The following TTC7B variants were observed in gnomAD, a reference collection of about 807,000 sequenced individuals.
TTC7B encodes the protein tetratricopeptide repeat domain 7B.
TTC7B carries 28 observed loss-of-function variants against 106.8 expected under a neutral mutation model. The ratio of observed to expected loss-of-function variants is 0.26; its 90% confidence interval spans 0.19 to 0.36. The LOEUF is 0.36. TTC7B is among the 10% of genes least tolerant of loss of function. The probability of loss-of-function intolerance (pLI) is 1.00; values close to 1 mark genes in which losing one functional copy is unlikely to be tolerated. For synonymous variants in TTC7B, 405 were observed against 430.6 expected, an observed-to-expected ratio of 0.94 and a Z score of 0.74; for missense variants, 862 against 1,076.4, an observed-to-expected ratio of 0.80 and a Z score of 2.79.
chr14:90,760,462 A>T (rs1328593791), intron 3 of TTC7B, among the ~76,000 whole-genome samples: 1 of 152,160 alleles, frequency 6.6e-6, no homozygotes, highest in Non-Finnish European at 1.5e-5. Context: ...TTAGCTCCTG[A>T]TTATCTCAAC....
At chr14:90,621,197 G>A (rs1432044908) in intron 15 of TTC7B, among the ~76,000 whole-genome samples, 8 of 152,056 alleles carry the variant, frequency 5.3e-5, no homozygotes, top group East Asian at 1.9e-4. Flanking sequence ...CAGAGGCCAC[G>A]TGGGTATGGC....
intron 19 of TTC7B, among the ~76,000 whole-genome samples, chr14:90,559,764 C>T (rs906654531): frequency 1.2e-4 from 19 of 152,242 alleles, no homozygotes; most frequent in African/African-American, 4.6e-4. Flanking sequence ...GTGCTAAGAA[C>T]CGTGTTGAAC....
chr14:90,789,788 C>T (rs557065432), intron 1 of TTC7B, among the ~76,000 whole-genome samples: 4 of 151,320 alleles, frequency 2.6e-5, no homozygotes, highest in Admixed American at 6.6e-5. Flanking sequence ...CCCAGCTAGT[C>T]GGGAGGCTGA....
At chr14:90,596,574 G>A (rs148841907) in intron 17 of TTC7B, among the ~76,000 whole-genome samples, 2 of 152,266 alleles carry the variant, frequency 1.3e-5, no homozygotes, top group Non-Finnish European at 2.9e-5. Flanking sequence ...TGTCCTCTAA[G>A]TCCAGCTCTG....
Position 90,657,921 on chromosome 14 carries a change from TCC to T in TTC7B, c.1236+381_1236+382del. ...TGGACTCCCTCAGCCCACATTTTCA[TCC>T]AGTATCATGCACTGCCTAATATAAC... On this transcript the variant is annotated intron_variant, in intron 10 of 19. Coordinates refer to ENST00000328459, the MANE Select transcript of TTC7B (RefSeq NM_001010854.2). The surrounding 1 kb of genome is among the most constrained non-coding windows in gnomAD (Gnocchi z 4.2). 1 of 206,392 alleles carries T rather than the reference TCC, an allele frequency of 4.8e-6. No homozygotes were observed. The highest frequency in any genetic ancestry group is 7.6e-5 in the South Asian group (1 of 13,196). The allele number at this position is 206,392 out of a possible 1,614,324, so 12.8% of individuals were successfully genotyped here. A position where few individuals can be genotyped will look rare whatever the true frequency, so the allele number is the denominator to read the frequency against.
intron 18 of TTC7B, among the ~76,000 whole-genome samples, chr14:90,592,363 T>C (rs1446468170): frequency 1.3e-5 from 2 of 152,280 alleles, no homozygotes; most frequent in East Asian, 3.9e-4. Context: ...TGTAAGTAAA[T>C]CCACAGCCAT....
In TTC7B at chr14:90,780,745, A is replaced by G. The variant is rs1278369597; in HGVS notation, c.438T>C (p.Ala146=). The change falls in exon 3 of 20, where the codon GCT becomes GCC. Residue 146 remains alanine (A), a synonymous_variant. Transcript: ENST00000328459. ...YRLRVIAEAY[A]TKGLCLEKLP... ...AGAAGGCACGGGCCTCACCTTTGGTAGCGTAGGCTTCTGCGATCACCCGCA... is the reference window on the plus strand; with the variant it reads ...AGAAGGCACGGGCCTCACCTTTGGTGGCGTAGGCTTCTGCGATCACCCGCA... 1 of 1,614,084 alleles carries G rather than the reference A, an allele frequency of 6.2e-7. No homozygotes were observed.
intron 5 of TTC7B, among the ~76,000 whole-genome samples, chr14:90,721,168 C>A (rs1052402538): frequency 6.6e-6 from 1 of 152,076 alleles, no homozygotes; most frequent in Admixed American, 6.6e-5. Context: ...TCCTCCCCGA[C>A]TTTGGAAGCT....
intron 4 of TTC7B, among the ~76,000 whole-genome samples, chr14:90,737,186 C>A (rs989555597): frequency 1.1e-4 from 16 of 151,952 alleles, no homozygotes; most frequent in African/African-American, 3.9e-4. Context: ...AACAACACTT[C>A]CAAAAATTAG....
chr14:90,551,065 A>C (rs776691841), intron 19 of TTC7B, among the ~76,000 whole-genome samples: 3 of 152,266 alleles, frequency 2.0e-5, no homozygotes, highest in Non-Finnish European at 4.4e-5. Context: ...ATTTGCTCGT[A>C]CACCACAGAT....
chr14:90,790,023 T>C (rs1891530748), intron 1 of TTC7B, among the ~76,000 whole-genome samples: 1 of 152,174 alleles, frequency 6.6e-6, no homozygotes, highest in South Asian at 2.1e-4. Flanking sequence ...TCACAGCACA[T>C]GTCAGCTCTA....
At chr14:90,646,698 C>T in intron 14 of TTC7B, 1 of 481,878 alleles carries the variant, frequency 2.1e-6, no homozygotes, top group Non-Finnish European at 3.8e-6. Flanking sequence ...TGCCATCTGA[C>T]CCTAGCTTGG....
intron 1 of TTC7B, among the ~76,000 whole-genome samples, chr14:90,786,699 C>T (rs1345614771): frequency 1.3e-5 from 2 of 152,130 alleles, no homozygotes; most frequent in African/African-American, 2.4e-5. Context: ...CCTGCCTCAG[C>T]TTCCCGAGTA....
intron 15 of TTC7B, among the ~76,000 whole-genome samples, chr14:90,637,024 G>C (rs35729115): frequency 0.46 from 68,155 of 149,508 alleles, 15,769 homozygotes; most frequent in East Asian, 0.64. Flanking sequence ...ACAGAAGATA[G>C]AAAATAATGA....
At chr14:90,738,177 C>A (rs1271177716) in intron 4 of TTC7B, among the ~76,000 whole-genome samples, 1 of 152,158 alleles carries the variant, frequency 6.6e-6, no homozygotes, top group Non-Finnish European at 1.5e-5. Flanking sequence ...TTCAACCTCA[C>A]TGGTAATCCA....
chr14:90,792,684 C>T (rs758570845), intron 1 of TTC7B, among the ~76,000 whole-genome samples: 33 of 152,080 alleles, frequency 2.2e-4, no homozygotes, highest in Admixed American at 1.7e-3. Flanking sequence ...CCTTCCCTCA[C>T]GACACCCCAG....
At chr14:90,542,356 T>C (rs913548759) in intron 19 of TTC7B, among the ~76,000 whole-genome samples, 9 of 152,176 alleles carry the variant, frequency 5.9e-5, no homozygotes, top group Admixed American at 2.0e-4. Context: ...GACCTCACTG[T>C]CTCTGCTTGC....
chr14:90,744,560 C>T (rs1207417341), intron 4 of TTC7B, among the ~76,000 whole-genome samples: 1 of 152,150 alleles, frequency 6.6e-6, no homozygotes, highest in African/African-American at 2.4e-5. Flanking sequence ...CCACCTGCCT[C>T]AGCCTCCCAA....
In TTC7B at chr14:90,593,693, C is replaced by T. The variant is rs1016620663; in HGVS notation, c.1967-67G>A. The T allele has an allele frequency of 3.4e-5, 50 of 1,450,172 alleles. No individual in the cohort carries two copies. The South Asian group carries it at 6.1e-4, about 18-fold the overall frequency. 89.8% of individuals were successfully genotyped at this position (1,450,172 alleles called of 1,614,324 possible). ...ACAGACCCAACCAATCAACCCCTTC[C>T]CACACAGACAAGCGCGGAACACACA... On this transcript the variant is annotated intron_variant, in intron 17 of 19. Coordinates refer to ENST00000328459, the MANE Select transcript of TTC7B (RefSeq NM_001010854.2).
Sources: allele counts gnomAD v4.1 joint callset (sites outside exome capture counted in the v4.1 genomes callset), GRCh38; gene constraint gnomAD v4.1.1; non-coding constraint Gnocchi (gnomAD v3.1); transcripts MANE v1.5; gene names NCBI Gene and HGNC (gene_info 2026-07-23, HGNC 2026-07-21).